The following TBCD variants were observed in gnomAD, a reference collection of about 807,000 sequenced individuals.
The protein encoded by TBCD is tubulin-specific chaperone D.
Under a neutral mutation model 169.3 loss-of-function variants are expected in TBCD, and 105 were observed. The ratio of observed to expected loss-of-function variants is 0.62; its 90% CI spans 0.53 to 0.73. TBCD has a LOEUF of 0.73. Ranked by LOEUF, TBCD falls within the 30% of genes least tolerant of loss-of-function variation. The pLI is 0.00. For missense variants in TBCD, 1,444 were observed against 1,600.1 expected (o/e 0.90, Z 1.66); for synonymous variants, 700 against 643.9 (o/e 1.09, Z -1.32).
chr17:82,940,423 T>C (rs1251470858), intron 37 of TBCD, among the ~76,000 whole-genome samples: 1 of 152,126 alleles, frequency 6.6e-6, no homozygotes, highest in African/African-American at 2.4e-5. Context: ...TCCCGGTGCG[T>C]TGCTACAGGT....
At chr17:82,830,392 A>G (rs765025152) in intron 13 of TBCD, 2 of 1,612,258 alleles carry the variant, frequency 1.2e-6, no homozygotes, top group South Asian at 1.1e-5. Flanking sequence ...GTAGGCCGCC[A>G]GCTGGCACAG....
Position 82,849,982 on chromosome 17 carries a change from G to C in TBCD, c.1319-20242G>C, listed in dbSNP as rs918314867. Among the ~76,000 whole-genome samples, 295 of 143,796 alleles carry C rather than the reference G, an allele frequency of 2.1e-3. 1 individual carries two copies. Among genetic ancestry groups the C allele is most frequent in the African/African-American group, 7.3e-3 (279 of 38,174 alleles). The allele number at this position is 143,796 out of a possible 152,430, so 94.3% of individuals were successfully genotyped here. On this transcript the variant is annotated intron_variant, in intron 13 of 38. Coordinates refer to ENST00000355528, the MANE Select transcript of TBCD (RefSeq NM_005993.5). ...GCTGCTGTTGGCTGTGCTGCTGTTG[G>C]CTGTGCTGCTGTTGGCTGTGCTGCT...
intron 3 of TBCD, among the ~76,000 whole-genome samples, chr17:82,764,818 C>G (rs2047945894): frequency 1.2e-5 from 1 of 80,102 alleles, no homozygotes; most frequent in African/African-American, 6.4e-5. Flanking sequence ...GGTGTCTGTG[C>G]TCATAGTCTG....
intron 13 of TBCD, 34 bp from the exon 14 acceptor site, chr17:82,870,190 G>A (rs1243150294): frequency 6.2e-7 from 1 of 1,611,210 alleles, no homozygotes; most frequent in East Asian, 2.2e-5. Flanking sequence ...CGTGTGGTCT[G>A]CTCCTCACCG....
chr17:82,825,413 TATA>T (rs1402096017), intron 13 of TBCD, among the ~76,000 whole-genome samples: 3 of 152,118 alleles, frequency 2.0e-5, no homozygotes, highest in Non-Finnish European at 4.4e-5. Context: ...AAGCTGGAAG[TATA>T]ATATTTTTGT....
intron 12 of TBCD, among the ~76,000 whole-genome samples, chr17:82,810,760 C>A (rs537934246): frequency 1.3e-5 from 2 of 152,354 alleles, no homozygotes; most frequent in South Asian, 4.1e-4. Flanking sequence ...TGTTGCTCTT[C>A]ATTAGCCTGG....
At chr17:82,932,828 C>G in intron 34 of TBCD, 93 bp downstream of exon 34, 1 of 1,306,928 alleles carries the variant, frequency 7.7e-7, no homozygotes, top group East Asian at 2.4e-5. Context: ...ATCAGAATTC[C>G]AGGAAATGAT....
At chr17:82,926,368 T>C (rs1157141276) in intron 27 of TBCD, 32 bp from the exon 28 acceptor site, 2 of 1,605,256 alleles carry the variant, frequency 1.2e-6, no homozygotes, top group South Asian at 2.2e-5. Context: ...TTATAGCTTA[T>C]GGTTCTTCTG....
intron 13 of TBCD, among the ~76,000 whole-genome samples, chr17:82,819,351 C>G (rs769650918): frequency 3.3e-5 from 5 of 152,196 alleles, no homozygotes; most frequent in African/African-American, 4.8e-5. Context: ...CTTTGGGTTA[C>G]TTTTTAGGGA....
chr17:82,836,488 C>T (rs1395822072), intron 13 of TBCD, among the ~76,000 whole-genome samples: 1 of 152,226 alleles, frequency 6.6e-6, no homozygotes, highest in African/African-American at 2.4e-5. Flanking sequence ...AACACAAGCC[C>T]TCAGAGGAGC....
rs575582142 is a variant in TBCD, at chr17:82,942,958, T to C, written c.*495T>C. On this transcript the variant is annotated 3_prime_UTR_variant, in exon 39 of 39. Coordinates refer to ENST00000355528, the MANE Select transcript of TBCD (RefSeq NM_005993.5). ...AGAAGCCCTGGTGGCAGGCATGGTC[T>C]GGAGTGCTGGGCAGATGCTGTTTCT... 2 of 191,230 alleles carry C rather than the reference T, an allele frequency of 1.0e-5. No individual in the cohort carries two copies. Among genetic ancestry groups the C allele is most frequent in the East Asian group, 3.4e-4 (2 of 5,926 alleles). 11.8% of individuals were successfully genotyped at this position (191,230 alleles called of 1,614,324 possible). A position where few individuals can be genotyped will look rare whatever the true frequency, so the allele number is the denominator to read the frequency against.
At chr17:82,755,841 C>T (rs2143782586) in intron 1 of TBCD, among the ~76,000 whole-genome samples, 1 of 152,100 alleles carries the variant, frequency 6.6e-6, no homozygotes, top group South Asian at 2.1e-4. Context: ...CTGGCAGAGG[C>T]AGGAGAGAGT....
At chr17:82,801,568 G>A (rs2050532207) in intron 9 of TBCD, among the ~76,000 whole-genome samples, 1 of 144,112 alleles carries the variant, frequency 6.9e-6, no homozygotes, top group Non-Finnish European at 1.5e-5. Context: ...AGGCTGGCGT[G>A]TGCGTCGTGT....
chr17:82,861,685 A>G (rs2056777695), intron 13 of TBCD, among the ~76,000 whole-genome samples: 1 of 152,056 alleles, frequency 6.6e-6, no homozygotes, highest in South Asian at 2.1e-4. Flanking sequence ...GAGTCTTTGC[A>G]CCTCACCAAG....
chr17:82,929,030 G>T, intron 30 of TBCD, 83 bp from the exon 31 acceptor site: 2 of 1,518,306 alleles, frequency 1.3e-6, no homozygotes. Flanking sequence ...CTGGAGTCAC[G>T]GCTCGGACCG....
In TBCD at chr17:82,944,487, A is replaced by C. The variant is rs1824391541; in HGVS notation, c.*2024A>C. On this transcript the variant is annotated 3_prime_UTR_variant, in exon 39 of 39. Coordinates refer to ENST00000355528, the MANE Select transcript of TBCD (RefSeq NM_005993.5). Reference sequence around the variant, plus strand: ...AGGCAACACTGAGTGCTATGAACAAAGATAAAGTGGGCAATGGAATGGCAT... The same window carrying C: ...AGGCAACACTGAGTGCTATGAACAACGATAAAGTGGGCAATGGAATGGCAT... 6.6e-6 allele frequency: 1 copy of C among 152,288 alleles called. No individual in the cohort carries two copies. The highest frequency in any genetic ancestry group is 2.4e-5 in the African/African-American group (1 of 41,470). The allele number at this position is 152,288 out of a possible 1,614,324, so 9.4% of individuals were successfully genotyped here.
At chr17:82,892,407 T>C (rs2059205319) in intron 16 of TBCD, among the ~76,000 whole-genome samples, 1 of 152,174 alleles carries the variant, frequency 6.6e-6, no homozygotes, top group Non-Finnish European at 1.5e-5. Context: ...GCTCATGCTG[T>C]CACTGATTGC....
rs9892187 is a variant in TBCD at position 82,879,225 on chromosome 17, G to T, written c.1476-4920G>T. Among the ~76,000 whole-genome samples, 415 of 151,686 alleles carry T rather than the reference G, an allele frequency of 2.7e-3. 1 individual carries two copies. The highest frequency in any genetic ancestry group is 9.7e-3 in the African/African-American group (400 of 41,296). ...GAGAACAGTATTTGGAATCCAGGAC[G>T]CCGGGCTTGGCCTCAGCTGCCTCTA... On this transcript the variant is annotated intron_variant, in intron 14 of 38. Coordinates refer to ENST00000355528, the MANE Select transcript of TBCD (RefSeq NM_005993.5).
At chr17:82,905,270 T>A (rs2146779399) in intron 19 of TBCD, among the ~76,000 whole-genome samples, 1 of 152,316 alleles carries the variant, frequency 6.6e-6, no homozygotes, top group East Asian at 1.9e-4. Context: ...GAGTGTGTCG[T>A]CCTCCTCCAT....
Sources: allele counts gnomAD v4.1 joint callset (sites outside exome capture counted in the v4.1 genomes callset), GRCh38; gene constraint gnomAD v4.1.1; transcripts MANE v1.5; gene names NCBI Gene and HGNC (gene_info 2026-07-23, HGNC 2026-07-21).